Variants in CPVL observed in about 807,000 individuals in gnomAD.
CPVL encodes the protein probable serine carboxypeptidase CPVL.
A neutral mutation model predicts 63.7 loss-of-function variants in CPVL; 51 were observed. The observed-to-expected ratio is 0.80, with a 90% CI of 0.64 to 1.01. The LOEUF is 1.01. CPVL is among the 50% of genes least tolerant of loss of function. CPVL has a pLI of 0.00. For synonymous variants in CPVL, 195 were observed against 206.0 expected, an observed-to-expected ratio of 0.95 and a Z score of 0.46; for missense variants, 530 against 573.1, an observed-to-expected ratio of 0.92 and a Z score of 0.77.
intron 3 of CPVL, among the ~76,000 whole-genome samples, chr7:29,112,223 A>G (rs893147768): frequency 6.6e-6 from 1 of 152,178 alleles, no homozygotes; most frequent in Non-Finnish European, 1.5e-5. Flanking sequence ...AATATGCTCA[A>G]TAAGTGGGTA....
At chr7:29,186,041 G>A (rs1369785481) in intron 2 of CPVL, among the ~76,000 whole-genome samples, 36 of 152,188 alleles carry the variant, frequency 2.4e-4, no homozygotes, top group Admixed American at 2.4e-3. Context: ...AGAAGTAAAA[G>A]TTCTAACTAT....
rs1430729980 is a variant in CPVL at position 29,095,085 on chromosome 7, G to A, written c.461C>T (p.Pro154Leu). ...TTLSMLYIDNPVGTGFSFTDD... is the reference protein window; with the variant it reads ...TTLSMLYIDNLVGTGFSFTDD... ...CTCACAGGGTCATCCCGGACTTACTGGATTGTCAATGTAAAGCATGGAGAG... is the reference window on the plus strand; with the variant it reads ...CTCACAGGGTCATCCCGGACTTACTAGATTGTCAATGTAAAGCATGGAGAG... The change falls in exon 5 of 13, where the codon CCA (proline) becomes CTA (leucine). Residue 154 changes from proline (P) to leucine (L), a missense_variant and splice_region_variant. Transcript: ENST00000265394. 1 of 1,613,214 alleles carries A rather than the reference G, an allele frequency of 6.2e-7. No individual in the cohort carries two copies. The highest frequency in any genetic ancestry group is 1.1e-5 in the South Asian group (1 of 91,054).
chr7:29,194,285 C>G (rs1468292879), intron 1 of CPVL: 1 of 152,626 alleles, frequency 6.6e-6, no homozygotes, highest in African/African-American at 2.4e-5. Flanking sequence ...CCCCAGCACC[C>G]CGGGGACCCG....
chr7:29,128,062 C>G (rs1790228335), intron 1 of CPVL: 1 of 148,540 alleles, frequency 6.7e-6, no homozygotes, highest in South Asian at 2.1e-4. Context: ...TATTCTTTTT[C>G]TCCCCTTACA....
intron 11 of CPVL, among the ~76,000 whole-genome samples, chr7:29,039,686 A>G (rs184588135): frequency 1.0e-3 from 155 of 152,200 alleles, no homozygotes; most frequent in African/African-American, 3.7e-3. Context: ...CACACATGTT[A>G]CTGACAGAGA....
At chr7:29,166,816 A>G (rs997417567) in intron 5 of CPVL, among the ~76,000 whole-genome samples, 2 of 152,010 alleles carry the variant, frequency 1.3e-5, no homozygotes, top group African/African-American at 4.8e-5. Flanking sequence ...TTTTATTCCA[A>G]TGATATTCTC....
intron 11 of CPVL, among the ~76,000 whole-genome samples, chr7:29,047,697 G>A (rs1457841343): frequency 6.6e-6 from 1 of 152,142 alleles, no homozygotes; most frequent in African/African-American, 2.4e-5. Context: ...GAACACCTGG[G>A]AAATTTATCA....
intron 7 of CPVL, among the ~76,000 whole-genome samples, chr7:29,074,760 C>T (rs16874835): frequency 0.11 from 16,034 of 150,086 alleles, 2,907 homozygotes; most frequent in African/African-American, 0.37. Context: ...ACCTTTACAG[C>T]AGCGTGAAAA....
chr7:28,994,918 G>A (rs1350942130), downstream of CPVL, among the ~76,000 whole-genome samples: 1 of 152,210 alleles, frequency 6.6e-6, no homozygotes, highest in Non-Finnish European at 1.5e-5. Context: ...TCGAAAAGAT[G>A]TGCCAGGATG....
At chr7:29,044,307 C>T (rs1265933783) in intron 11 of CPVL, among the ~76,000 whole-genome samples, 2 of 152,042 alleles carry the variant, frequency 1.3e-5, no homozygotes, top group African/African-American at 4.8e-5. Context: ...ATCCTAGGTA[C>T]TTGGGAGGCT....
chr7:29,165,456 T>C (rs1490018383), intron 5 of CPVL, among the ~76,000 whole-genome samples: 2 of 152,224 alleles, frequency 1.3e-5, no homozygotes, highest in Non-Finnish European at 2.9e-5. Context: ...TTAAATCACC[T>C]ATACTGGTTC....
rs1159573209 is a variant in CPVL, at chr7:29,092,651, C to T, written c.514G>A (p.Glu172Lys). 4 of 1,613,988 alleles carry T rather than the reference C, an allele frequency of 2.5e-6. No individual in the cohort carries two copies. Among genetic ancestry groups the T allele is most frequent in the Non-Finnish European group, 3.4e-6 (4 of 1,179,844 alleles). Reference protein sequence around the residue: ...TDDTHGYAVNEDDVARDLYSA... With the variant: ...TDDTHGYAVNKDDVARDLYSA... ...TATAAATCCCGTGCTACATCGTCCTCATTGACTGCATATCCGTGGGTATCA... is the reference window on the plus strand; with the variant it reads ...TATAAATCCCGTGCTACATCGTCCTTATTGACTGCATATCCGTGGGTATCA... The change falls in exon 6 of 13, where the codon GAG becomes AAG. Residue 172 changes from glutamate to lysine, a missense_variant. By Grantham distance (56) the Glu-to-Lys change is moderately conservative. Transcript: ENST00000265394.
At chr7:29,175,068 T>C (rs537385048) in intron 5 of CPVL, among the ~76,000 whole-genome samples, 1 of 152,264 alleles carries the variant, frequency 6.6e-6, no homozygotes, top group South Asian at 2.1e-4. Flanking sequence ...TTCCCATATG[T>C]TGTGGCAGGG....
rs529386948 is a variant in CPVL at position 29,189,825 on chromosome 7, C to G, written c.-447-3278G>C. On this transcript the variant is annotated intron_variant, in intron 1 of 16. Transcript: ENST00000409850. The stretch of plus-strand genomic sequence containing the variant: ...AAATAGGATACTCCAGGCAATACCC[C>G]CAAGCCCCCCTGCAGCTCAGTGAGA... 2.4e-4 allele frequency among the ~76,000 whole-genome samples: 36 copies of G among 152,298 alleles called. No homozygotes were observed. In the South Asian group the frequency reaches 7.0e-3, roughly 30 times the overall value.
intron 5 of CPVL, among the ~76,000 whole-genome samples, chr7:29,175,915 G>A (rs908373934): frequency 5.3e-5 from 8 of 152,266 alleles, no homozygotes; most frequent in South Asian, 2.1e-4. Context: ...AGACGGGCGC[G>A]GTGGCTCATG....
intron 11 of CPVL, among the ~76,000 whole-genome samples, chr7:29,042,780 G>C (rs1584078039): frequency 6.6e-6 from 1 of 152,210 alleles, no homozygotes; most frequent in South Asian, 2.1e-4. Flanking sequence ...TGCCAGCAGA[G>C]AGCAGGACAG....
upstream of CPVL, chr7:29,146,968 C>A: frequency 6.4e-7 from 1 of 1,550,888 alleles, no homozygotes; most frequent in South Asian, 1.2e-5. Flanking sequence ...GCAGTAAGCT[C>A]GCACCAAGTG....
intron 11 of CPVL, among the ~76,000 whole-genome samples, chr7:29,034,109 T>G (rs986677086): frequency 6.6e-6 from 1 of 152,164 alleles, no homozygotes; most frequent in Non-Finnish European, 1.5e-5. Flanking sequence ...AATCCTTTTT[T>G]TAAATTTTTT....
chr7:29,177,560 C>CTTTTTTTTTT (rs200237886), intron 5 of CPVL, among the ~76,000 whole-genome samples: 2 of 146,746 alleles, frequency 1.4e-5, no homozygotes, highest in African/African-American at 5.0e-5. Flanking sequence ...GGCCCCCTCA[C>CTTTTTTTTTT]TTTTTTTTTT....
Sources: gnomAD v4.1 joint callset for allele counts (sites outside exome capture counted in the v4.1 genomes callset) on GRCh38, gnomAD v4.1.1 for gene constraint, MANE v1.5 for transcripts, NCBI Gene and HGNC (gene_info 2026-07-23, HGNC 2026-07-21) for gene names.